Variants in TPR observed in about 807,000 individuals in gnomAD.
TPR encodes the protein nucleoprotein TPR.
TPR carries 51 observed loss-of-function variants against 316.1 expected under a neutral mutation model. The ratio of observed to expected loss-of-function variants is 0.16; its 90% CI spans 0.13 to 0.20. The LOEUF (loss-of-function observed/expected upper bound fraction) is 0.20. Among genes scored for constraint, TPR ranks in the 10% least tolerant of loss-of-function variants. The pLI is 1.00. For missense variants in TPR, 2,272 were observed against 2,754.8 expected (o/e 0.82, Z 3.92); for synonymous variants, 981 against 914.7 (o/e 1.07, Z -1.31).
intron 36 of TPR, among the ~76,000 whole-genome samples, chr1:186,333,684 T>C (rs1360021537): frequency 6.6e-6 from 1 of 152,166 alleles, no homozygotes; most frequent in African/African-American, 2.4e-5. Flanking sequence ...AAAGTAAAAT[T>C]AGAATTTTTC....
chr1:186,346,310 G>C lies in TPR; in HGVS notation c.2944-23C>G, dbSNP rs776436297. 3 of 1,582,234 alleles carry C rather than the reference G, an allele frequency of 1.9e-6. No individual in the cohort carries two copies. In the South Asian group the frequency reaches 3.5e-5, roughly 19 times the overall value. On this transcript the variant is annotated intron_variant, in intron 22 of 50. Coordinates refer to ENST00000367478, the MANE Select transcript of TPR (RefSeq NM_003292.3). ...CACCTTTACCATATTACAAACAGTA[G>C]GATATAAAAATTACACACATTTAAA...
intron 15 of TPR, 76 bp downstream of exon 15, chr1:186,356,210 A>G: frequency 7.5e-7 from 1 of 1,326,428 alleles, no homozygotes; most frequent in East Asian, 2.6e-5. Context: ...TAGAGTGGCT[A>G]TTGCTTATGT....
chr1:186,312,419 T>G lies in TPR; in HGVS notation c.*1552A>C. On this transcript the variant is annotated 3_prime_UTR_variant, in exon 51 of 51. Coordinates refer to ENST00000367478, the MANE Select transcript of TPR (RefSeq NM_003292.3). ...AAAAATCCTTAAACATAAGTAGATGTAATACAGTTTCTTATACAGTAAGGC... is the reference window on the plus strand; with the variant it reads ...AAAAATCCTTAAACATAAGTAGATGGAATACAGTTTCTTATACAGTAAGGC... The G allele has an allele frequency of 6.6e-7, 1 of 1,505,744 alleles. No individual in the cohort carries two copies. Among genetic ancestry groups the G allele is most frequent in the Non-Finnish European group, 9.1e-7 (1 of 1,100,236 alleles). The allele number at this position is 1,505,744 out of a possible 1,614,324, so 93.3% of individuals were successfully genotyped here.
rs1347262889 is a variant in TPR at position 186,363,513 on chromosome 1, A to G, written c.428-68T>C. 1.1e-5 allele frequency: 12 copies of G among 1,076,016 alleles called. No individual in the cohort carries two copies. In the East Asian group the frequency reaches 2.3e-4, roughly 20 times the overall value. The allele number at this position is 1,076,016 out of a possible 1,614,324, so 66.7% of individuals were successfully genotyped here. On this transcript the variant is annotated intron_variant, in intron 4 of 50. Coordinates refer to ENST00000367478, the MANE Select transcript of TPR (RefSeq NM_003292.3). ...CTCAGGGGAACCAAATATCAAAAATATATTTCTAGGAATATAAACCTTTAA... is the reference window on the plus strand; with the variant it reads ...CTCAGGGGAACCAAATATCAAAAATGTATTTCTAGGAATATAAACCTTTAA...
intron 29 of TPR, 139 bp from the exon 30 acceptor site, chr1:186,339,911 T>A: frequency 1.6e-6 from 1 of 635,862 alleles, no homozygotes; most frequent in Non-Finnish European, 2.4e-6. Flanking sequence ...TACAAGATAC[T>A]AAGATCAAAC....
In TPR at chr1:186,312,652, C is replaced by G. The variant is rs1389258340; in HGVS notation, c.*1319G>C. ...GAACATTATATACCAGTCTATAACC[C>G]TCAATAGTTCTACATCAGAGGGCTA... On this transcript the variant is annotated 3_prime_UTR_variant, in exon 51 of 51. Coordinates refer to ENST00000367478, the MANE Select transcript of TPR (RefSeq NM_003292.3). The G allele has an allele frequency of 1.8e-6, 2 of 1,130,828 alleles. No homozygotes were observed. The highest frequency in any genetic ancestry group is 1.7e-5 in the Admixed American group (1 of 57,286). 70.0% of individuals were successfully genotyped at this position (1,130,828 alleles called of 1,614,324 possible).
intron 10 of TPR, among the ~76,000 whole-genome samples, 182 bp downstream of exon 10, chr1:186,360,582 AT>A (rs1659156333): frequency 6.6e-6 from 1 of 152,128 alleles, no homozygotes; most frequent in Non-Finnish European, 1.5e-5. Context: ...AATGGTATTT[AT>A]ATGCCCGATT....
intron 25 of TPR, 93 bp downstream of exon 25, chr1:186,344,282 C>T: frequency 2.0e-6 from 3 of 1,466,014 alleles, no homozygotes; most frequent in Non-Finnish European, 2.8e-6. Flanking sequence ...GCATGGGTGA[C>T]AGAGCGAGGC....
Position 186,312,725 on chromosome 1 carries a change from T to TCTTTCCAGATGTC in TPR, c.*1245_*1246insGACATCTGGAAAG, listed in dbSNP as rs756629372. On this transcript the variant is annotated 3_prime_UTR_variant, in exon 51 of 51. Transcript: ENST00000367478. ...GTCTGGCTCTTTCCAAGATAGTACATTGCCTTTTAATCTGGTATCTTTTAT... is the reference window on the plus strand; with the variant it reads ...GTCTGGCTCTTTCCAAGATAGTACATCTTTCCAGATGTCTGCCTTTTAATCTGGTATCTTTTAT... 114 of 1,596,080 alleles carry TCTTTCCAGATGTC rather than the reference T, an allele frequency of 7.1e-5. No homozygotes were observed. The highest frequency in any genetic ancestry group is 9.5e-5 in the Non-Finnish European group (110 of 1,163,920).
At chr1:186,325,688 T>A in intron 42 of TPR, 76 bp downstream of exon 42, 3 of 1,125,452 alleles carry the variant, frequency 2.7e-6, no homozygotes, top group South Asian at 3.0e-5. Context: ...TAAATTTATA[T>A]ATTAGAATTA....
In TPR at chr1:186,362,832, C is replaced by T. The variant is rs775280915; in HGVS notation, c.696+5G>A. On this transcript the variant is annotated splice_donor_5th_base_variant and intron_variant, in intron 6 of 50. Transcript: ENST00000367478. The stretch of plus-strand genomic sequence containing the variant: ...ATGAAGAAAAACACAATTTTACTAA[C>T]TTACCTCTTCTTTTTTATTTTCAAG... The T allele has an allele frequency of 3.7e-5, 58 of 1,579,524 alleles. No homozygotes were observed. Among genetic ancestry groups the T allele is most frequent in the East Asian group, 6.7e-5 (3 of 44,576 alleles).
At chr1:186,337,300 C>A in intron 31 of TPR, 144 bp from the exon 32 acceptor site, 1 of 990,152 alleles carries the variant, frequency 1.0e-6, no homozygotes, top group Non-Finnish European at 1.4e-6. Flanking sequence ...TATGAAACAA[C>A]TGTAATCTCC....
chr1:186,336,708 CA>C lies in TPR; in HGVS notation c.4507-15del, dbSNP rs771762662. 6.2e-7 allele frequency: 1 copy of C among 1,607,280 alleles called. No homozygotes were observed. Among genetic ancestry groups the C allele is most frequent in the East Asian group, 2.2e-5 (1 of 44,758 alleles). ...TTCAGATAATGTCTTTAAAGGAAAACAAAGTATTCACCATGGAATTCAATCA... is the reference window on the plus strand; with the variant it reads ...TTCAGATAATGTCTTTAAAGGAAAACAAGTATTCACCATGGAATTCAATCA... On this transcript the variant is annotated splice_polypyrimidine_tract_variant and intron_variant, in intron 32 of 50. Coordinates refer to ENST00000367478, the MANE Select transcript of TPR (RefSeq NM_003292.3).
In TPR at chr1:186,336,996, T is replaced by C; in HGVS notation, c.4506+17A>G. On this transcript the variant is annotated intron_variant, in intron 32 of 50. Transcript: ENST00000367478. The stretch of plus-strand genomic sequence containing the variant: ...TAACAGGAAAGAATTAGGAACAGAC[T>C]GTTCTCACACTCATACCTTCTGCAG... The C allele has an allele frequency of 6.2e-7, 1 of 1,613,522 alleles. No individual in the cohort carries two copies. The highest frequency in any genetic ancestry group is 8.5e-7 in the Non-Finnish European group (1 of 1,179,644).
At position 186,315,674 on chromosome 1, in the gene TPR, T is replaced by G. The variant is rs147232915; in HGVS notation, c.6941-950A>C. Among the ~76,000 whole-genome samples the G allele has an allele frequency of 3.9e-3, 590 of 151,758 alleles. 5 individuals carry two copies. The highest frequency in any genetic ancestry group is 6.2e-3 in the Non-Finnish European group (420 of 67,940). On this transcript the variant is annotated intron_variant, in intron 49 of 50. Coordinates refer to ENST00000367478, the MANE Select transcript of TPR (RefSeq NM_003292.3). ...CATTATTCTGTGTGAAGCCCTCCAA[T>G]AGCTTCTGGTATCCATGACAGCCAA...
chr1:186,314,137 C>T, intron 50 of TPR, 111 bp from the exon 51 acceptor site: 1 of 990,068 alleles, frequency 1.0e-6, no homozygotes, highest in Non-Finnish European at 1.5e-6. Flanking sequence ...GGATATAAAA[C>T]TGTTGGGTAT....
chr1:186,372,336 G>A (rs1460397440), intron 2 of TPR, among the ~76,000 whole-genome samples: 2 of 152,194 alleles, frequency 1.3e-5, no homozygotes, highest in Non-Finnish European at 2.9e-5. Flanking sequence ...GAGGCCAGGA[G>A]TTCAAGACCA....
At chr1:186,326,000 A>G (rs1045766689) in intron 41 of TPR, 104 bp downstream of exon 41, 1 of 1,564,258 alleles carries the variant, frequency 6.4e-7, no homozygotes, top group African/African-American at 1.4e-5. Flanking sequence ...AAAACAACCA[A>G]AGGTTTTAGT....
Position 186,313,953 on chromosome 1 carries a change from T to C in TPR, c.*18A>G. The C allele has an allele frequency of 1.9e-6, 3 of 1,609,954 alleles. No individual in the cohort carries two copies. The highest frequency in any genetic ancestry group is 2.5e-6 in the Non-Finnish European group (3 of 1,177,318). ...GATTTGATAATCTTATTCACAGTTG[T>C]TATTGTTTACAGACCATTTAATTAA... is the stretch of plus-strand genomic sequence containing the variant. On this transcript the variant is annotated 3_prime_UTR_variant, in exon 51 of 51. Coordinates refer to ENST00000367478, the MANE Select transcript of TPR (RefSeq NM_003292.3).
Sources: allele counts gnomAD v4.1 joint callset (sites outside exome capture counted in the v4.1 genomes callset), GRCh38; gene constraint gnomAD v4.1.1; transcripts MANE v1.5; gene names NCBI Gene and HGNC (gene_info 2026-07-23, HGNC 2026-07-21).